The following ZFR2 variants were observed in gnomAD, a reference collection of about 807,000 sequenced individuals.
ZFR2 encodes zinc finger RNA binding protein 2.
In ZFR2, 104 loss-of-function variants were observed where a neutral mutation model predicts 105.7. The observed-to-expected ratio is 0.98, with a 90% confidence interval of 0.84 to 1.16. The LOEUF (loss-of-function observed/expected upper bound fraction) is 1.16. Ranked by LOEUF, ZFR2 falls within the 50% of genes most tolerant of loss-of-function variation. The pLI is 0.00. For missense variants in ZFR2, 1,425 were observed against 1,355.5 expected, an observed-to-expected ratio of 1.05 and a Z score of -0.80; for synonymous variants, 634 against 597.7, an observed-to-expected ratio of 1.06 and a Z score of -0.89.
chr19:3,842,644 A>AC (rs1599244996), intron 1 of ZFR2, among the ~76,000 whole-genome samples: 2 of 143,686 alleles, frequency 1.4e-5, no homozygotes, highest in Non-Finnish European at 3.0e-5. Context: ...TTTTTTTGAG[A>AC]CGGAGTTTTG....
chr19:3,852,599 G>T (rs1464053890), intron 1 of ZFR2: 1 of 718,522 alleles, frequency 1.4e-6, no homozygotes, highest in African/African-American at 1.7e-5. Flanking sequence ...CCGGGGGAGT[G>T]GTCTCCACTT....
At chr19:3,811,945 ATTTG>A (rs1400990112) in intron 14 of ZFR2, among the ~76,000 whole-genome samples, 8 of 146,226 alleles carry the variant, frequency 5.5e-5, no homozygotes, top group Admixed American at 4.1e-4. Context: ...TTATTTATTT[ATTTG>A]TTTGTTTGTG....
At chr19:3,865,485 G>C (rs1394522549) in intron 1 of ZFR2, among the ~76,000 whole-genome samples, 1 of 151,710 alleles carries the variant, frequency 6.6e-6, no homozygotes, top group African/African-American at 2.4e-5. Flanking sequence ...AAGCAGCTGG[G>C]GACTATAGGT....
intron 1 of ZFR2, among the ~76,000 whole-genome samples, chr19:3,866,949 G>T (rs2038437054): frequency 6.6e-6 from 1 of 152,214 alleles, no homozygotes; most frequent in Admixed American, 6.5e-5. Context: ...CCGAGTGCAG[G>T]AAACAGATGC....
chr19:3,848,285 G>A (rs968598668), intron 1 of ZFR2, among the ~76,000 whole-genome samples: 3 of 151,326 alleles, frequency 2.0e-5, no homozygotes, highest in South Asian at 2.1e-4. Context: ...GGTGGCGGGC[G>A]CCCGTAATCC....
In ZFR2 at chr19:3,831,749, G is replaced by T. The variant is rs201894571; in HGVS notation, c.509C>A (p.Thr170Lys). ...STLSSGYTYPTATGVQPESSA... is the reference protein window; with the variant it reads ...STLSSGYTYPKATGVQPESSA... Reference sequence around the variant, plus strand: ...CGACTCGGGCTGGACGCCTGTCGCCGTGGGGTAGGTGTATCCCGAGGACAA... The same window carrying T: ...CGACTCGGGCTGGACGCCTGTCGCCTTGGGGTAGGTGTATCCCGAGGACAA... Residue 170 changes from threonine to lysine, a missense_variant, in exon 4 of 19, where the codon ACG becomes AAG. Thr to Lys is a moderately conservative substitution (Grantham distance 78). Transcript: ENST00000262961. 1.2e-6 allele frequency: 2 copies of T among 1,607,512 alleles called. No individual in the cohort carries two copies. Among genetic ancestry groups the T allele is most frequent in the South Asian group, 2.2e-5 (2 of 90,272 alleles).
At chr19:3,855,548 T>C in intron 1 of ZFR2, 1 of 879,594 alleles carries the variant, frequency 1.1e-6, no homozygotes. Flanking sequence ...AGTCCCGTCC[T>C]CCAGGAGGGT....
chr19:3,838,126 G>A lies in ZFR2; in HGVS notation c.54-3143C>T, dbSNP rs1175281234. ...GTGACCGTGACACTCGATGAACACC[G>A]TGACTGTGACACACAATGAACACCG... On this transcript the variant is annotated intron_variant, in intron 1 of 18. Transcript: ENST00000262961. The surrounding 1 kb of genome is among the most constrained non-coding windows in gnomAD (Gnocchi z 4.9). Among the ~76,000 whole-genome samples the A allele has an allele frequency of 6.6e-6, 1 of 150,426 alleles. No individual in the cohort carries two copies. Among genetic ancestry groups the A allele is most frequent in the Non-Finnish European group, 1.5e-5 (1 of 67,706 alleles).
intron 1 of ZFR2, among the ~76,000 whole-genome samples, chr19:3,867,309 G>GGGT (rs1555762896): frequency 1.3e-5 from 2 of 151,572 alleles, no homozygotes; most frequent in Admixed American, 1.3e-4. Flanking sequence ...ACTGTTGGGG[G>GGGT]GGGAATCTGG....
intron 1 of ZFR2, among the ~76,000 whole-genome samples, chr19:3,867,304 T>TGAGG (rs1555762877): frequency 3.3e-5 from 5 of 149,656 alleles, no homozygotes; most frequent in African/African-American, 1.2e-4. Context: ...GATCAACTGT[T>TGAGG]GGGGGGGGAA....
Position 3,831,527 on chromosome 19 carries a change from C to G in ZFR2, c.628G>C (p.Val210Leu). The change falls in exon 5 of 19, where the codon GTG becomes CTG. Residue 210 changes from valine (V) to leucine (L), a missense_variant. By Grantham distance (32) the Val-to-Leu change is conservative. Transcript: ENST00000262961. ...APSYPNYDAS[V>L]YSAASPFYPP... ...TAGAAAGGGCTGGCAGCGGAGTACA[C>G]CGACGCGTCATAGTTCGGGTAGCTT... The G allele has an allele frequency of 1.3e-6, 2 of 1,559,308 alleles. No individual in the cohort carries two copies. The highest frequency in any genetic ancestry group is 1.7e-6 in the Non-Finnish European group (2 of 1,152,280).
Position 3,831,692 on chromosome 19 carries a change from G to C in ZFR2, c.566C>G (p.Pro189Arg), listed in dbSNP as rs1353676997. The change falls in exon 4 of 19, where the codon CCC (proline) becomes CGC (arginine). Residue 189 changes from proline (P) to arginine (R), a missense_variant. Coordinates refer to ENST00000262961, the MANE Select transcript of ZFR2 (RefSeq NM_015174.2). ...GGCGGTGCAGGTGGGGTTGTAGGAG[G>C]GCGGGGGGTAGGAGGTCACGATGGA... ...SASIVTSYPP[P>R]SYNPTCTAYT... The C allele has an allele frequency of 1.3e-6, 2 of 1,574,602 alleles. No homozygotes were observed. The highest frequency in any genetic ancestry group is 1.7e-6 in the Non-Finnish European group (2 of 1,158,332).
chr19:3,868,699 G>A (rs913227630), intron 1 of ZFR2, among the ~76,000 whole-genome samples: 1 of 151,752 alleles, frequency 6.6e-6, no homozygotes, highest in African/African-American at 2.4e-5. Flanking sequence ...CCCACTTCAG[G>A]AGCCCCCTCC....
chr19:3,808,471 T>C (rs1016012684), intron 17 of ZFR2, among the ~76,000 whole-genome samples: 2 of 152,276 alleles, frequency 1.3e-5, no homozygotes, highest in African/African-American at 4.8e-5. Context: ...TGGGCAGCTC[T>C]GCGCCCTCTG....
In ZFR2 at chr19:3,810,775, G is replaced by T. The variant is rs138287525; in HGVS notation, c.2408C>A (p.Pro803His). 1.0e-4 allele frequency: 159 copies of T among 1,549,902 alleles called. 1 individual carries two copies. The Middle Eastern group carries it at 2.5e-3, about 25-fold the overall frequency. Reference protein sequence around the residue: ...RVLRDLCRRVPTWGALPAWAM... With the variant: ...RVLRDLCRRVHTWGALPAWAM... ...CCAGGCTGGCAGGGCCCCCCAGGTG[G>T]GCACACGCCGGCAGAGGTCCCTCAG... The change falls in exon 16 of 19, where the codon CCC becomes CAC. Residue 803 changes from proline (P) to histidine (H), a missense_variant. Coordinates refer to ENST00000262961, the MANE Select transcript of ZFR2 (RefSeq NM_015174.2).
At chr19:3,812,514 C>T (rs2037776426) in intron 14 of ZFR2, among the ~76,000 whole-genome samples, 1 of 152,042 alleles carries the variant, frequency 6.6e-6, no homozygotes, top group African/African-American at 2.4e-5. Context: ...CTGATCTGTC[C>T]TCACAGAAGG....
At chr19:3,867,304 T>TTGGGG (rs1555762876) in intron 1 of ZFR2, among the ~76,000 whole-genome samples, 1 of 149,656 alleles carries the variant, frequency 6.7e-6, no homozygotes, top group African/African-American at 2.5e-5. Context: ...GATCAACTGT[T>TTGGGG]GGGGGGGGAA....
rs925696683 is a variant in ZFR2 at position 3,852,332 on chromosome 19, A to C, written c.53+16633T>G. 5 of 630,632 alleles carry C rather than the reference A, an allele frequency of 7.9e-6. No individual in the cohort carries two copies. The African/African-American group carries it at 9.2e-5, about 12-fold the overall frequency. The allele number at this position is 630,632 out of a possible 1,614,324, so 39.1% of individuals were successfully genotyped here. The stretch of plus-strand genomic sequence containing the variant: ...GGCAATCCTGGTGGAGGTGGGCCTC[A>C]GCTGGGTGGCTCTCCTGACCATGGC... On this transcript the variant is annotated intron_variant, in intron 1 of 18. Transcript: ENST00000262961.
In ZFR2 at chr19:3,823,583, C is replaced by T. The variant is rs1169219724; in HGVS notation, c.1214-180G>A. Among the ~76,000 whole-genome samples the T allele has an allele frequency of 1.3e-5, 2 of 152,206 alleles. No homozygotes were observed. Among genetic ancestry groups the T allele is most frequent in the African/African-American group, 2.4e-5 (1 of 41,524 alleles). On this transcript the variant is annotated intron_variant, in intron 7 of 18. Transcript: ENST00000262961. The surrounding 1 kb of genome is among the most constrained non-coding windows in gnomAD (Gnocchi z 5.4). ...AACCTCGCTCTCCCTTTCATGCCTGCGTGTGACCCAGCCAAGAAACCGAGG... is the reference window on the plus strand; with the variant it reads ...AACCTCGCTCTCCCTTTCATGCCTGTGTGTGACCCAGCCAAGAAACCGAGG...
Sources: allele counts gnomAD v4.1 joint callset (sites outside exome capture counted in the v4.1 genomes callset), GRCh38; gene constraint gnomAD v4.1.1; non-coding constraint Gnocchi (gnomAD v3.1); transcripts MANE v1.5; gene names NCBI Gene and HGNC (gene_info 2026-07-23, HGNC 2026-07-21).